The following CRADD variants were observed in gnomAD, a reference collection of about 807,000 sequenced individuals.
The protein encoded by CRADD is CARD and death domain containing adaptor protein.
CRADD carries 9 observed loss-of-function variants against 15.5 expected under a neutral mutation model. The ratio of observed to expected loss-of-function variants is 0.58; its 90% CI spans 0.35 to 1.01. The LOEUF (loss-of-function observed/expected upper bound fraction) is 1.01, where lower values mean the gene tolerates loss of function less well. CRADD is among the 50% of genes least tolerant of loss of function. CRADD has a pLI of 0.02. For synonymous variants in CRADD, 118 were observed against 107.6 expected (o/e 1.10, Z -0.60); for missense variants, 227 against 250.3 (o/e 0.91, Z 0.63).
chr12:93,801,332 T>C (rs1387542951), intron 2 of CRADD, among the ~76,000 whole-genome samples: 1 of 152,258 alleles, frequency 6.6e-6, no homozygotes. Flanking sequence ...TATTGATCTC[T>C]GAAGAACTTT....
chr12:93,798,263 A>G (rs894950527), intron 2 of CRADD, among the ~76,000 whole-genome samples: 2 of 152,154 alleles, frequency 1.3e-5, no homozygotes, highest in Non-Finnish European at 2.9e-5. Context: ...AATCCCCACA[A>G]ATATTTGCTG....
chr12:93,867,065 G>A (rs1958373938), intron 2 of CRADD, among the ~76,000 whole-genome samples: 1 of 152,086 alleles, frequency 6.6e-6, no homozygotes, highest in African/African-American at 2.4e-5. Context: ...ATTTGTGTCT[G>A]TCTGACTCCT....
At chr12:93,859,202 A>G in intron 2 of CRADD, 1 of 416,708 alleles carries the variant, frequency 2.4e-6, no homozygotes, top group South Asian at 1.8e-5. Context: ...TTATATTTTT[A>G]GGGTTAATGT....
intron 2 of CRADD, among the ~76,000 whole-genome samples, chr12:93,827,174 C>A (rs1173072651): frequency 6.6e-6 from 1 of 152,154 alleles, no homozygotes; most frequent in Admixed American, 6.5e-5. Context: ...GAATGATGAA[C>A]CTATCCAACA....
At position 93,833,554 on chromosome 12, in the gene CRADD, C is replaced by T. The variant is rs1407638188; in HGVS notation, c.299-16416C>T. Among the ~76,000 whole-genome samples the T allele has an allele frequency of 2.6e-5, 4 of 152,094 alleles. No individual in the cohort carries two copies. In the East Asian group the frequency reaches 5.8e-4, roughly 22 times the overall value. The stretch of plus-strand genomic sequence containing the variant: ...GATTGAGGGGTGTCCCTATGTTGCC[C>T]AGGCTAGTCTTGAACTCCTGAACTC... On this transcript the variant is annotated intron_variant, in intron 2 of 2. Transcript: ENST00000332896.
chr12:93,690,120 C>T (rs543031302), intron 2 of CRADD, among the ~76,000 whole-genome samples: 10 of 152,274 alleles, frequency 6.6e-5, no homozygotes, highest in African/African-American at 2.4e-4. Context: ...GGATCTCAGG[C>T]CATCAGATGG....
chr12:93,700,651 C>T (rs989744921), intron 2 of CRADD, among the ~76,000 whole-genome samples: 4 of 152,122 alleles, frequency 2.6e-5, no homozygotes, highest in Non-Finnish European at 5.9e-5. Context: ...AGGCTGGTCT[C>T]GATCTCCTGA....
At chr12:93,776,763 ATGC>A (rs1424305248) in intron 2 of CRADD, among the ~76,000 whole-genome samples, 3 of 152,212 alleles carry the variant, frequency 2.0e-5, no homozygotes, top group African/African-American at 7.2e-5. Flanking sequence ...CTTTGAAAGC[ATGC>A]TGCTAAGTGA....
At chr12:93,713,104 G>A (rs1441576730) in intron 2 of CRADD, among the ~76,000 whole-genome samples, 1 of 151,778 alleles carries the variant, frequency 6.6e-6, no homozygotes. Context: ...TTTTTCAGTT[G>A]GGGTACATTG....
At chr12:93,683,122 C>T (rs944690614) in intron 2 of CRADD, among the ~76,000 whole-genome samples, 17 of 152,118 alleles carry the variant, frequency 1.1e-4, no homozygotes, top group South Asian at 6.2e-4. Context: ...TGGGGCCTGT[C>T]GGCACTGACA....
intron 2 of CRADD, among the ~76,000 whole-genome samples, chr12:93,887,068 T>C (rs1350553965): frequency 1.3e-5 from 2 of 152,206 alleles, no homozygotes; most frequent in Non-Finnish European, 2.9e-5. Flanking sequence ...ATCCAGATCT[T>C]TGCACTTCCT....
intron 2 of CRADD, among the ~76,000 whole-genome samples, chr12:93,869,744 A>T (rs559747361): frequency 6.6e-6 from 1 of 152,336 alleles, no homozygotes; most frequent in South Asian, 2.1e-4. Flanking sequence ...GCCAACAAAA[A>T]TCACCAACTA....
At chr12:93,838,300 A>G (rs1280829132) in intron 2 of CRADD, among the ~76,000 whole-genome samples, 3 of 147,772 alleles carry the variant, frequency 2.0e-5, no homozygotes, top group African/African-American at 5.0e-5. Context: ...CTCAGGGACC[A>G]GGGTTAATTC....
At chr12:93,677,806 C>T (rs1213187347) in intron 1 of CRADD, 1 of 152,346 alleles carries the variant, frequency 6.6e-6, no homozygotes, top group East Asian at 1.9e-4. Context: ...CCTCACCTGT[C>T]ACCTCCTGAA....
intron 2 of CRADD, among the ~76,000 whole-genome samples, chr12:93,764,560 A>C (rs537578644): frequency 6.6e-6 from 1 of 151,222 alleles, no homozygotes; most frequent in Non-Finnish European, 1.5e-5. Flanking sequence ...ACATTTCTTC[A>C]TGCTCTTTCT....
chr12:93,787,869 G>A lies in CRADD; in HGVS notation c.299-62101G>A, dbSNP rs371249671. ...CACTTACCATGGTGAGGATGGTGAG[G>A]CCATGAGCATGCTTCACCTAAGGAA... is the stretch of plus-strand genomic sequence containing the variant. On this transcript the variant is annotated intron_variant, in intron 2 of 2. Transcript: ENST00000332896. 1.4e-4 allele frequency among the ~76,000 whole-genome samples: 21 copies of A among 152,228 alleles called. 2 individuals are homozygous for A. Among genetic ancestry groups the A allele is most frequent in the Admixed American group, 1.2e-3 (19 of 15,272 alleles).
Position 93,803,527 on chromosome 12 carries a change from T to G in CRADD, c.299-46443T>G, listed in dbSNP as rs566743336. 3.3e-5 allele frequency among the ~76,000 whole-genome samples: 5 copies of G among 152,332 alleles called. No individual in the cohort carries two copies. The East Asian group carries it at 9.6e-4, about 29-fold the overall frequency. Reference sequence around the variant, plus strand: ...TTAAAGCCATTCCACGTCCACCATTTGGCATTAAGCGTCTTTAAAAAAAAC... The same window carrying G: ...TTAAAGCCATTCCACGTCCACCATTGGGCATTAAGCGTCTTTAAAAAAAAC... On this transcript the variant is annotated intron_variant, in intron 2 of 2. Transcript: ENST00000332896.
At chr12:93,756,291 T>C (rs1956889195) in intron 2 of CRADD, among the ~76,000 whole-genome samples, 1 of 152,228 alleles carries the variant, frequency 6.6e-6, no homozygotes, top group Non-Finnish European at 1.5e-5. Flanking sequence ...AATAAATACT[T>C]GTTAGTGAAT....
intron 2 of CRADD, among the ~76,000 whole-genome samples, chr12:93,730,717 CT>C (rs566237726): frequency 0.011 from 1,434 of 127,090 alleles, 6 homozygotes; most frequent in African/African-American, 0.022. Context: ...CCTTCATTTA[CT>C]TTTTTTTTTT....
Sources: gnomAD v4.1 joint callset for allele counts (sites outside exome capture counted in the v4.1 genomes callset) on GRCh38, gnomAD v4.1.1 for gene constraint, MANE v1.5 for transcripts, NCBI Gene and HGNC (gene_info 2026-07-23, HGNC 2026-07-21) for gene names.